The following ACTR3 variants were observed in gnomAD, a reference collection of about 807,000 sequenced individuals.
ACTR3 encodes the protein actin related protein 3.
ACTR3 carries 12 observed loss-of-function variants against 56.8 expected under a neutral mutation model. The ratio of observed to expected loss-of-function variants is 0.21; its 90% CI spans 0.14 to 0.34. ACTR3 has a LOEUF of 0.34. ACTR3 is among the 10% of genes least tolerant of loss of function. The pLI is 1.00. For synonymous variants in ACTR3, 162 were observed against 167.4 expected, an observed-to-expected ratio of 0.97 and a Z score of 0.25; for missense variants, 282 against 512.5, an observed-to-expected ratio of 0.55 and a Z score of 4.34.
At chr2:113,925,230 C>G (rs1490216706) in intron 3 of ACTR3, among the ~76,000 whole-genome samples, 2 of 134,760 alleles carry the variant, frequency 1.5e-5, no homozygotes, top group African/African-American at 2.9e-5. Context: ...GAGTCTTACT[C>G]TATCGCCCAG....
chr2:113,940,181 GAAGAA>G (rs1679899174), intron 7 of ACTR3, 79 bp downstream of exon 7: 2 of 1,223,790 alleles, frequency 1.6e-6, no homozygotes, highest in Non-Finnish European at 2.3e-6. Flanking sequence ...ATTTTTAATA[GAAGAA>G]GAGTACTTGA....
At chr2:113,896,219 C>T (rs1426725937) in intron 1 of ACTR3, among the ~76,000 whole-genome samples, 1 of 151,892 alleles carries the variant, frequency 6.6e-6, no homozygotes, top group Non-Finnish European at 1.5e-5. Context: ...CAGTGCCTGG[C>T]ACACAGTAAG....
chr2:113,926,917 C>T (rs746421907), intron 3 of ACTR3, among the ~76,000 whole-genome samples: 3 of 152,188 alleles, frequency 2.0e-5, no homozygotes, highest in Non-Finnish European at 4.4e-5. Flanking sequence ...TATGTACTTA[C>T]AGGTGCACTT....
intron 6 of ACTR3, among the ~76,000 whole-genome samples, chr2:113,939,016 C>T (rs1679877400): frequency 1.3e-5 from 2 of 151,550 alleles, no homozygotes; most frequent in Admixed American, 6.6e-5. Context: ...TGTCTGAAAA[C>T]CTTTCTTTCT....
At chr2:113,918,898 T>A (rs890587383) in intron 3 of ACTR3, among the ~76,000 whole-genome samples, 1 of 152,190 alleles carries the variant, frequency 6.6e-6, no homozygotes. Context: ...GCAAGAGATA[T>A]TAGTGACGGC....
chr2:113,924,052 C>CT, intron 3 of ACTR3, among the ~76,000 whole-genome samples: 1 of 140,692 alleles, frequency 7.1e-6, no homozygotes, highest in Admixed American at 6.9e-5. Flanking sequence ...TGACTTTTTT[C>CT]TCTTTTTTTT....
At chr2:113,952,859 C>G (rs1680144360) in intron 10 of ACTR3, 2 of 152,182 alleles carry the variant, frequency 1.3e-5, no homozygotes, top group Non-Finnish European at 2.9e-5. Context: ...AGCCCACCCC[C>G]ATTCATCCAT....
chr2:113,914,639 A>T (rs1443055439), intron 2 of ACTR3, among the ~76,000 whole-genome samples: 3 of 151,270 alleles, frequency 2.0e-5, no homozygotes, highest in African/African-American at 4.9e-5. Flanking sequence ...AAAAAGAAAG[A>T]AAAAGAAAAG....
intron 1 of ACTR3, among the ~76,000 whole-genome samples, chr2:113,893,650 T>C (rs1367692780): frequency 6.6e-6 from 1 of 152,170 alleles, no homozygotes; most frequent in East Asian, 1.9e-4. Context: ...TCAAGCCAAA[T>C]GAGGGCGCTC....
At chr2:113,953,965 A>G (rs543742174) in intron 10 of ACTR3, 4 of 152,120 alleles carry the variant, frequency 2.6e-5, no homozygotes, top group Non-Finnish European at 5.9e-5. Flanking sequence ...TCTGTTACAT[A>G]CTCAATGTTT....
intron 3 of ACTR3, among the ~76,000 whole-genome samples, chr2:113,919,288 T>A (rs1317792698): frequency 6.6e-6 from 1 of 152,222 alleles, no homozygotes; most frequent in Non-Finnish European, 1.5e-5. Flanking sequence ...GAATCAACAT[T>A]AAAATGTGGT....
intron 1 of ACTR3, among the ~76,000 whole-genome samples, chr2:113,892,024 C>T (rs1011507050): frequency 2.0e-5 from 3 of 152,174 alleles, no homozygotes; most frequent in Admixed American, 1.3e-4. Flanking sequence ...AATATTGCTA[C>T]ATAATTAATG....
In ACTR3 at chr2:113,934,378, A is replaced by G; in HGVS notation, c.532A>G (p.Ile178Val). 2 of 1,583,108 alleles carry G rather than the reference A, an allele frequency of 1.3e-6. No homozygotes were observed. Among genetic ancestry groups the G allele is most frequent in the Non-Finnish European group, 1.7e-6 (2 of 1,166,782 alleles). ...CAGTGGAGATGGTGTCACTCATGTC[A>G]TTCCTGTGGTAAGGCTATTTTACAG... ...IDSGDGVTHV[I>V]PVAEGYVIGS... is the part of the protein sequence containing the mutation. Residue 178 changes from isoleucine (I) to valine (V), a missense_variant, in exon 6 of 12, where the codon ATT becomes GTT. Coordinates refer to ENST00000263238, the MANE Select transcript of ACTR3 (RefSeq NM_005721.5).
intron 3 of ACTR3, among the ~76,000 whole-genome samples, chr2:113,919,802 T>G (rs1679474323): frequency 7.5e-6 from 1 of 132,922 alleles, no homozygotes; most frequent in South Asian, 2.2e-4. Flanking sequence ...TGCAGTGCAG[T>G]GGCACAATCA....
chr2:113,955,327 G>T (rs1680190211), intron 10 of ACTR3: 1 of 211,024 alleles, frequency 4.7e-6, no homozygotes, highest in Non-Finnish European at 9.4e-6. Context: ...CTTTTAAGGT[G>T]TTATTTTTTA....
chr2:113,893,168 A>C (rs1197482946), intron 1 of ACTR3, among the ~76,000 whole-genome samples: 1 of 152,212 alleles, frequency 6.6e-6, no homozygotes, highest in African/African-American at 2.4e-5. Flanking sequence ...TTTTCTTTAA[A>C]AGGCATTCAC....
intron 10 of ACTR3, chr2:113,953,040 T>A (rs2104630329): frequency 6.6e-6 from 1 of 152,314 alleles, no homozygotes; most frequent in African/African-American, 2.4e-5. Flanking sequence ...TTTGTTAGAA[T>A]ACTTAAAAGA....
rs554192317 is a variant in ACTR3, at chr2:113,947,371, G to T, written c.859-4108G>T. Among the ~76,000 whole-genome samples, 3 of 152,336 alleles carry T rather than the reference G, an allele frequency of 2.0e-5. No individual in the cohort carries two copies. The South Asian group carries it at 6.2e-4, about 32-fold the overall frequency. ...GGCTTTCTTAAAAACCTTGAAGTAG[G>T]CTGGTTGTGGTGGCTCACACCTGTA... On this transcript the variant is annotated intron_variant, in intron 8 of 11. Transcript: ENST00000263238.
chr2:113,925,238 C>T (rs928712550), intron 3 of ACTR3, among the ~76,000 whole-genome samples: 3 of 145,720 alleles, frequency 2.1e-5, no homozygotes, highest in African/African-American at 7.8e-5. Context: ...CTCTATCGCC[C>T]AGGCTGGAGT....
Sources: allele counts gnomAD v4.1 joint callset (sites outside exome capture counted in the v4.1 genomes callset), GRCh38; gene constraint gnomAD v4.1.1; transcripts MANE v1.5; gene names NCBI Gene and HGNC (gene_info 2026-07-23, HGNC 2026-07-21).